Variants in SYNJ1 observed in about 807,000 individuals in gnomAD.
The protein encoded by SYNJ1 is synaptojanin 1.
A neutral mutation model predicts 168.2 loss-of-function variants in SYNJ1; 78 were observed. The observed-to-expected ratio is 0.46, with a 90% CI of 0.39 to 0.56. SYNJ1 has a LOEUF of 0.56. SYNJ1 is among the 20% of genes least tolerant of loss of function. SYNJ1 has a pLI of 0.00. For missense variants in SYNJ1, 1,303 were observed against 1,597.6 expected (o/e 0.82, Z 3.14); for synonymous variants, 539 against 548.6 (o/e 0.98, Z 0.24).
chr21:32,645,919 C>T (rs769662175), intron 24 of SYNJ1, 130 bp from the exon 25 acceptor site: 5 of 1,328,976 alleles, frequency 3.8e-6, no homozygotes, highest in Non-Finnish European at 5.3e-6. Flanking sequence ...CATGTATTTT[C>T]AGTATGAATA....
intron 2 of SYNJ1, among the ~76,000 whole-genome samples, chr21:32,722,189 GAAAAAAA>G (rs869294126): frequency 8.0e-5 from 9 of 112,560 alleles, no homozygotes; most frequent in East Asian, 2.5e-4. Flanking sequence ...CCATCTCAAA[GAAAAAAA>G]AAAAAAAAAA....
intron 10 of SYNJ1, among the ~76,000 whole-genome samples, chr21:32,682,656 T>C (rs1309763133): frequency 2.6e-5 from 4 of 152,162 alleles, no homozygotes; most frequent in African/African-American, 7.2e-5. Flanking sequence ...GCTTTGTCTA[T>C]CTTGGTGTCA....
At chr21:32,650,466 C>T in intron 22 of SYNJ1, 120 bp from the exon 23 acceptor site, 2 of 778,090 alleles carry the variant, frequency 2.6e-6, no homozygotes, top group Non-Finnish European at 3.9e-6. Context: ...TTAGACAATT[C>T]AGCTAACTAA....
At chr21:32,642,196 C>A in intron 27 of SYNJ1, 63 bp from the exon 28 acceptor site, 1 of 1,579,452 alleles carries the variant, frequency 6.3e-7, no homozygotes. Flanking sequence ...TATTGCATAA[C>A]ATCAGCTTGC....
At position 32,644,739 on chromosome 21, in the gene SYNJ1, A is replaced by G. The variant is rs550518653; in HGVS notation, c.3430+229T>C. Reference sequence around the variant, plus strand: ...TTTAAAATTAATATAACTTTTGGGTATTAAATCTTTGTAAATGAATCGACC... The same window carrying G: ...TTTAAAATTAATATAACTTTTGGGTGTTAAATCTTTGTAAATGAATCGACC... On this transcript the variant is annotated intron_variant, in intron 26 of 32. Coordinates refer to ENST00000674351, the MANE Select transcript of SYNJ1 (RefSeq NM_203446.3). 2.0e-5 allele frequency among the ~76,000 whole-genome samples: 3 copies of G among 152,308 alleles called. No individual in the cohort carries two copies. In the East Asian group the frequency reaches 5.8e-4, roughly 29 times the overall value.
intron 2 of SYNJ1, among the ~76,000 whole-genome samples, chr21:32,716,259 C>G (rs958052292): frequency 1.3e-5 from 2 of 152,176 alleles, no homozygotes; most frequent in African/African-American, 2.4e-5. Context: ...CAAAATTTCA[C>G]TGATTCAGAC....
At position 32,650,248 on chromosome 21, in the gene SYNJ1, T is replaced by C; in HGVS notation, c.2973A>G (p.Pro991=). The change falls in exon 23 of 33, where the codon CCA becomes CCG. Residue 991 remains proline (P), a synonymous_variant. Coordinates refer to ENST00000674351, the MANE Select transcript of SYNJ1 (RefSeq NM_203446.3). ...MSLEKISIAL[P]SSTSSTLLGE... ...CAAGCAGGGTAGAGCTTGTTGATGATGGCAATGCAATGCTAATTTTCTCTA... is the reference window on the plus strand; with the variant it reads ...CAAGCAGGGTAGAGCTTGTTGATGACGGCAATGCAATGCTAATTTTCTCTA... The C allele has an allele frequency of 1.2e-6, 2 of 1,614,102 alleles. No individual in the cohort carries two copies. Among genetic ancestry groups the C allele is most frequent in the Non-Finnish European group, 1.7e-6 (2 of 1,180,002 alleles).
chr21:32,642,206 C>G, intron 27 of SYNJ1, 73 bp from the exon 28 acceptor site: 1 of 1,553,500 alleles, frequency 6.4e-7, no homozygotes, highest in Non-Finnish European at 8.9e-7. Context: ...CATCAGCTTG[C>G]TGTTCTGCTT....
chr21:32,645,276 C>T (rs1285738059), intron 25 of SYNJ1, among the ~76,000 whole-genome samples: 2 of 152,114 alleles, frequency 1.3e-5, no homozygotes, highest in Non-Finnish European at 2.9e-5. Flanking sequence ...GAAATTAGTA[C>T]ATTTTAATTA....
chr21:32,716,965 T>TC (rs2043044937), intron 2 of SYNJ1, among the ~76,000 whole-genome samples: 1 of 148,032 alleles, frequency 6.8e-6, no homozygotes, highest in Admixed American at 6.8e-5. Context: ...GTCTTTCACT[T>TC]TTTTTTTTTT....
intron 32 of SYNJ1, among the ~76,000 whole-genome samples, chr21:32,633,377 T>A (rs917326247): frequency 7.2e-5 from 11 of 152,228 alleles, no homozygotes; most frequent in African/African-American, 2.6e-4. Flanking sequence ...AATGATCGGA[T>A]GAAGGAAAAG....
At chr21:32,666,260 A>G in intron 16 of SYNJ1, 125 bp from the exon 17 acceptor site, 1 of 1,425,924 alleles carries the variant, frequency 7.0e-7, no homozygotes, top group Non-Finnish European at 9.5e-7. Context: ...AAGCCTTTGA[A>G]ATAGTACAGT....
intron 15 of SYNJ1, 114 bp from the exon 16 acceptor site, chr21:32,666,687 A>T: frequency 9.2e-7 from 1 of 1,087,186 alleles, no homozygotes; most frequent in Non-Finnish European, 1.2e-6. Context: ...CTCTGAAGGA[A>T]GCTTAGGCTG....
intron 1 of SYNJ1, 68 bp from the exon 2 acceptor site, chr21:32,726,985 A>T: frequency 1.3e-6 from 2 of 1,552,098 alleles, no homozygotes; most frequent in Non-Finnish European, 1.7e-6. Flanking sequence ...ACTGCAAAGC[A>T]TCCAAAAGTC....
intron 29 of SYNJ1, among the ~76,000 whole-genome samples, chr21:32,640,730 ATATATTGC>A (rs1280777665): frequency 7.9e-5 from 12 of 152,318 alleles, no homozygotes; most frequent in South Asian, 4.1e-4. Flanking sequence ...ACCCAGCCAT[ATATATTGC>A]TTTTAAACAC....
chr21:32,668,372 G>T (rs537110703), intron 15 of SYNJ1, among the ~76,000 whole-genome samples: 1 of 152,044 alleles, frequency 6.6e-6, no homozygotes, highest in Non-Finnish European at 1.5e-5. Context: ...CCAGCCTAAA[G>T]AATTTGATTA....
In SYNJ1 at chr21:32,664,668, C is replaced by T. The variant is rs148523549; in HGVS notation, c.2304+245G>A. On this transcript the variant is annotated intron_variant, in intron 18 of 32. Transcript: ENST00000674351. ...ACTCGGGGAGCTCGGTTTTTGGAGA[C>T]GTGAGTCCGCTGCTGCTCCCAGCTG... 1.2e-3 allele frequency among the ~76,000 whole-genome samples: 178 copies of T among 152,196 alleles called. 1 individual carries two copies. The highest frequency in any genetic ancestry group is 2.0e-3 in the Non-Finnish European group (139 of 68,002).
intron 21 of SYNJ1, 78 bp from the exon 22 acceptor site, chr21:32,653,444 T>A: frequency 8.6e-7 from 1 of 1,169,058 alleles, no homozygotes; most frequent in Admixed American, 1.9e-5. Context: ...TGATTATTGA[T>A]CATTAACAAG....
intron 22 of SYNJ1, among the ~76,000 whole-genome samples, chr21:32,651,390 T>C (rs1485075316): frequency 6.6e-6 from 1 of 152,184 alleles, no homozygotes; most frequent in African/African-American, 2.4e-5. Context: ...AATGGAGAGG[T>C]TGAAAGTTGC....
Sources: gnomAD v4.1 joint callset for allele counts (sites outside exome capture counted in the v4.1 genomes callset) on GRCh38, gnomAD v4.1.1 for gene constraint, MANE v1.5 for transcripts, NCBI Gene and HGNC (gene_info 2026-07-23, HGNC 2026-07-21) for gene names.